SGO1: variants seen among roughly 807,000 people sequenced by gnomAD.
SGO1 encodes serologically defined breast cancer antigen NY-BR-85.
SGO1 carries 39 observed loss-of-function variants against 50.5 expected under a neutral mutation model. The ratio of observed to expected loss-of-function variants is 0.77; its 90% confidence interval spans 0.60 to 1.01. The LOEUF (loss-of-function observed/expected upper bound fraction) is 1.01. Among genes scored for constraint, SGO1 ranks in the 50% least tolerant of loss-of-function variants. SGO1 has a pLI of 0.00. For synonymous variants in SGO1, 191 were observed against 205.1 expected, an observed-to-expected ratio of 0.93 and a Z score of 0.59; for missense variants, 638 against 606.0, an observed-to-expected ratio of 1.05 and a Z score of -0.55.
intron 8 of SGO1, chr3:20,161,308 G>T: frequency 7.1e-7 from 1 of 1,409,056 alleles, no homozygotes; most frequent in Non-Finnish European, 9.3e-7. Flanking sequence ...GGAAAAATAA[G>T]TTCCATGAAG....
chr3:20,168,746 C>G (rs145421415), downstream of SGO1, among the ~76,000 whole-genome samples: 6 of 151,334 alleles, frequency 4.0e-5, no homozygotes, highest in Admixed American at 2.0e-4. Context: ...GGGTTCACGC[C>G]GTTCTCCTGC....
chr3:20,166,898 T>C (rs1229448751), downstream of SGO1, among the ~76,000 whole-genome samples: 3 of 148,614 alleles, frequency 2.0e-5, no homozygotes, highest in Non-Finnish European at 4.5e-5. Flanking sequence ...TGGTGCAAGC[T>C]TGTAGTCCTA....
downstream of SGO1, among the ~76,000 whole-genome samples, chr3:20,165,049 C>T (rs1446786402): frequency 6.6e-6 from 1 of 152,116 alleles, no homozygotes; most frequent in African/African-American, 2.4e-5. Flanking sequence ...TAAAGGAATA[C>T]CCGAAGCTGG....
At chr3:20,168,966 CT>C (rs1700461695), downstream of SGO1, 2 of 984,456 alleles carry the variant, frequency 2.0e-6, no homozygotes, top group Non-Finnish European at 2.4e-6. Flanking sequence ...GGTCTGTAGT[CT>C]TAGTTTAAGA....
At chr3:20,180,100 C>T (rs1241901201) in intron 3 of SGO1, among the ~76,000 whole-genome samples, 1 of 152,042 alleles carries the variant, frequency 6.6e-6, no homozygotes, top group Non-Finnish European at 1.5e-5. Flanking sequence ...AGGTCAAGAC[C>T]AACCTGGGCA....
At position 20,175,019 on chromosome 3, in the gene SGO1, A is replaced by C; in HGVS notation, c.512T>G (p.Val171Gly). The part of the protein sequence containing the change: ...IPTIPQDTLG[V>G]DFDSGEAKST... ...CTTAGCTTCACCTGAATCAAAATCA[A>C]CTCCCAGTGTGTCTTGAGGAATAGT... Residue 171 changes from valine to glycine, a missense_variant, in exon 6 of 8, where the codon GTT becomes GGT. Val to Gly is a moderately radical substitution (Grantham distance 109, BLOSUM62 -3). Coordinates refer to ENST00000412997, the MANE Select transcript of SGO1 (RefSeq NM_001199251.3). 1 of 1,585,704 alleles carries C rather than the reference A, an allele frequency of 6.3e-7. No individual in the cohort carries two copies. Among genetic ancestry groups the C allele is most frequent in the Non-Finnish European group, 8.6e-7 (1 of 1,165,044 alleles).
rs746263403 is a variant in SGO1, at chr3:20,170,507, ATAAAT to A, written c.*192_*196del. On this transcript the variant is annotated 3_prime_UTR_variant, in exon 8 of 8. Transcript: ENST00000412997. ...CAGTTATTTATATTCAAAAGAAAAA[ATAAAT>A]TAAATTTATTAAAGTTTTAATACAA... The A allele has an allele frequency of 6.3e-4, 731 of 1,165,518 alleles. No individual in the cohort carries two copies. Among genetic ancestry groups the A allele is most frequent in the Non-Finnish European group, 7.1e-4 (674 of 946,386 alleles). The allele number at this position is 1,165,518 out of a possible 1,614,324, so 72.2% of individuals were successfully genotyped here.
chr3:20,168,957 GTC>G (rs1700460881), downstream of SGO1: 1 of 984,878 alleles, frequency 1.0e-6, no homozygotes, highest in African/African-American at 1.8e-5. Context: ...CTTTTTAATG[GTC>G]TGTAGTCTTA....
At chr3:20,180,290 GAA>G (rs1227461304) in intron 3 of SGO1, among the ~76,000 whole-genome samples, 3 of 151,348 alleles carry the variant, frequency 2.0e-5, no homozygotes, top group Admixed American at 6.6e-5. Flanking sequence ...TGTCTCAAAG[GAA>G]AAAAAAGAGT....
intron 4 of SGO1, chr3:20,177,247 T>G (rs1421508451): frequency 6.6e-6 from 1 of 152,230 alleles, no homozygotes; most frequent in Admixed American, 6.5e-5. Context: ...TTAAACAGAT[T>G]TAGGTAAGTA....
chr3:20,176,554 A>T (rs765473661), intron 5 of SGO1, 47 bp downstream of exon 5: 4 of 1,137,562 alleles, frequency 3.5e-6, no homozygotes, highest in East Asian at 4.8e-5. Context: ...GTTCTCAAAG[A>T]CCTTATTTTG....
downstream of SGO1, chr3:20,169,014 G>A (rs1416681737): frequency 1.0e-6 from 1 of 984,186 alleles, no homozygotes; most frequent in Middle Eastern, 5.2e-4. Flanking sequence ...TAAAGAATAA[G>A]TATGAAGGGA....
At chr3:20,180,862 T>C (rs4858774) in intron 3 of SGO1, among the ~76,000 whole-genome samples, 84,994 of 152,186 alleles carry the variant, frequency 0.56, 24,910 homozygotes, top group East Asian at 0.96. Context: ...TGTGGCGGCT[T>C]CTGCCTGTAA....
chr3:20,173,698 G>A (rs1470128733), intron 6 of SGO1, among the ~76,000 whole-genome samples: 1 of 152,124 alleles, frequency 6.6e-6, no homozygotes, highest in African/African-American at 2.4e-5. Flanking sequence ...ACAGGTGTAG[G>A]TTGTATTACG....
chr3:20,173,285 A>G (rs1700982935), intron 6 of SGO1, among the ~76,000 whole-genome samples: 1 of 151,936 alleles, frequency 6.6e-6, no homozygotes, highest in Non-Finnish European at 1.5e-5. Flanking sequence ...TTACCGGCAC[A>G]TACCACCAGG....
chr3:20,168,787 C>T (rs1700447479), downstream of SGO1: 2 of 226,704 alleles, frequency 8.8e-6, no homozygotes, highest in Non-Finnish European at 1.5e-5. Flanking sequence ...GGACTACAGG[C>T]GCCTGGCTAA....
Position 20,170,807 on chromosome 3 carries a change from C to T in SGO1, c.1481G>A (p.Arg494Lys), listed in dbSNP as rs1700641914. Residue 494 changes from arginine (R) to lysine (K), a missense_variant, in exon 8 of 8, where the codon AGA becomes AAA. By Grantham distance (26) the Arg-to-Lys change is conservative (BLOSUM62 2). Coordinates refer to ENST00000412997, the MANE Select transcript of SGO1 (RefSeq NM_001199251.3). ...CAAATCTGTAAAAGGGTCCCCTCTT[C>T]TCAGTTTCCTGTAAGAGTAAAAAGA... The part of the protein sequence containing the change: ...YKEPTLASKL[R>K]RGDPFTDLCF... 6.3e-7 allele frequency: 1 copy of T among 1,591,364 alleles called. No homozygotes were observed. Among genetic ancestry groups the T allele is most frequent in the African/African-American group, 1.4e-5 (1 of 73,096 alleles).
Position 20,175,105 on chromosome 3 carries a change from T to G in SGO1, c.476-50A>C, listed in dbSNP as rs377461341. 4 of 1,361,504 alleles carry G rather than the reference T, an allele frequency of 2.9e-6. No individual in the cohort carries two copies. In the African/African-American group the frequency reaches 5.9e-5, roughly 20 times the overall value. The allele number at this position is 1,361,504 out of a possible 1,614,324, so 84.3% of individuals were successfully genotyped here. The stretch of plus-strand genomic sequence containing the variant: ...AAAAGTAGTTTTACTTTGTGGAAAT[T>G]TGAATTTCAAGAACTTTAGAATTCA... On this transcript the variant is annotated intron_variant, in intron 5 of 7. Coordinates refer to ENST00000412997, the MANE Select transcript of SGO1 (RefSeq NM_001199251.3).
At chr3:20,174,174 G>A in intron 6 of SGO1, 75 bp downstream of exon 6, 1 of 1,145,202 alleles carries the variant, frequency 8.7e-7, no homozygotes, top group African/African-American at 1.5e-5. Context: ...CAGATGGTAA[G>A]TATAGTATAT....
Sources: gnomAD v4.1 joint callset for allele counts (sites outside exome capture counted in the v4.1 genomes callset) on GRCh38, gnomAD v4.1.1 for gene constraint, MANE v1.5 for transcripts, NCBI Gene and HGNC (gene_info 2026-07-23, HGNC 2026-07-21) for gene names.